The following SETD1A variants were observed in gnomAD, a reference collection of about 807,000 sequenced individuals.
SETD1A encodes SET domain containing 1A, histone lysine methyltransferase.
Under a neutral mutation model 149.9 loss-of-function variants are expected in SETD1A, and 29 were observed. That is an observed-to-expected ratio of 0.19 (90% CI 0.14 to 0.26). The LOEUF (loss-of-function observed/expected upper bound fraction) is 0.26, where lower values mean the gene tolerates loss of function less well. Among genes scored for constraint, SETD1A ranks in the 10% least tolerant of loss-of-function variants. SETD1A has a pLI of 1.00. For missense variants in SETD1A, 2,109 were observed against 2,353.1 expected, an observed-to-expected ratio of 0.90 and a Z score of 2.15; for synonymous variants, 1,141 against 968.5, an observed-to-expected ratio of 1.18 and a Z score of -3.31.
In SETD1A at chr16:30,961,158, C is replaced by T; in HGVS notation, c.247-109C>T. 1 of 1,196,248 alleles carries T rather than the reference C, an allele frequency of 8.4e-7. No individual in the cohort carries two copies. Among genetic ancestry groups the T allele is most frequent in the Admixed American group, 2.1e-5 (1 of 46,822 alleles). The allele number at this position is 1,196,248 out of a possible 1,614,324, so 74.1% of individuals were successfully genotyped here. A position where few individuals can be genotyped will look rare whatever the true frequency, so the allele number is the denominator to read the frequency against. On this transcript the variant is annotated intron_variant, in intron 3 of 18. Transcript: ENST00000262519. This position sits in a 1 kb window ranked among gnomAD's most constrained non-coding sequence, Gnocchi z 4.0. The stretch of plus-strand genomic sequence containing the variant: ...TTTGGGCCCCTTCCCTTGCCCCTCA[C>T]TTTCCCGGATCTCTCTCTTGACTTC...
At chr16:30,981,284 A>G in intron 17 of SETD1A, 104 bp downstream of exon 17, 2 of 1,434,568 alleles carry the variant, frequency 1.4e-6, no homozygotes, top group Non-Finnish European at 9.5e-7. Context: ...ACACTCCCTA[A>G]CCCCGGTACC....
At chr16:30,958,953 C>T in intron 2 of SETD1A, 72 bp downstream of exon 2, 2 of 1,573,486 alleles carry the variant, frequency 1.3e-6, no homozygotes, top group Non-Finnish European at 1.7e-6. Context: ...TGTTCAGCAC[C>T]TAGAACGGTA....
intron 1 of SETD1A, 86 bp downstream of exon 1, chr16:30,958,050 C>T (rs967302319): frequency 1.6e-4 from 24 of 150,556 alleles, no homozygotes; most frequent in Admixed American, 3.3e-4. Context: ...GGGTCTCGCG[C>T]TGCCGCTGCC....
chr16:30,982,775 G>A (rs1176281701), intron 17 of SETD1A, among the ~76,000 whole-genome samples: 1 of 152,118 alleles, frequency 6.6e-6, no homozygotes, highest in African/African-American at 2.4e-5. Flanking sequence ...AGCAGTGGCA[G>A]CAGAGGTGAC....
chr16:30,962,592 TA>T (rs2056069463), intron 4 of SETD1A, among the ~76,000 whole-genome samples: 1 of 152,184 alleles, frequency 6.6e-6, no homozygotes. Context: ...CAGCCATTAG[TA>T]GGCACTGGCC....
In SETD1A at chr16:30,966,121, C is replaced by T. The variant is rs2143504369; in HGVS notation, c.2240C>T (p.Ala747Val). Reference sequence around the variant, plus strand: ...GGCAGAGGGGCATACTCACGGGAGGCCTACCACCTGCCCATGCCAATGGCA... The same window carrying T: ...GGCAGAGGGGCATACTCACGGGAGGTCTACCACCTGCCCATGCCAATGGCA... Reference protein sequence around the residue: ...QEGRGAYSREAYHLPMPMAAE... With the variant: ...QEGRGAYSREVYHLPMPMAAE... Residue 747 changes from alanine (A) to valine (V), a missense_variant, in exon 8 of 19, where the codon GCC becomes GTC. Around this residue, in one of 8 missense-constraint regions of SETD1A, gnomAD observed 431 missense variants for 388.6 expected, o/e 1.11. Coordinates refer to ENST00000262519, the MANE Select transcript of SETD1A (RefSeq NM_014712.3). 6.2e-7 allele frequency: 1 copy of T among 1,601,004 alleles called. No individual in the cohort carries two copies. The highest frequency in any genetic ancestry group is 2.2e-5 in the East Asian group (1 of 44,670).
chr16:30,984,435 CCCTGGGGGGGCTCTGCACCCCCAGT>C lies in SETD1A; in HGVS notation c.*420_*444del. The C allele has an allele frequency of 5.8e-6, 1 of 171,192 alleles. No individual in the cohort carries two copies. The highest frequency in any genetic ancestry group is 1.4e-4 in the South Asian group (1 of 7,220). The allele number at this position is 171,192 out of a possible 1,614,324, so 10.6% of individuals were successfully genotyped here. On this transcript the variant is annotated 3_prime_UTR_variant, in exon 19 of 19. Transcript: ENST00000262519. Reference sequence around the variant, plus strand: ...CTCTGGGGCAGTGGCCATGTTCTCCCCCTGGGGGGGCTCTGCACCCCCAGTCCTGGGGACTCCGTGCCTGGAACCC... The same window carrying C: ...CTCTGGGGCAGTGGCCATGTTCTCCCCCTGGGGACTCCGTGCCTGGAACCC...
intron 13 of SETD1A, among the ~76,000 whole-genome samples, chr16:30,976,130 G>A (rs533677482): frequency 6.6e-6 from 1 of 152,238 alleles, no homozygotes; most frequent in Non-Finnish European, 1.5e-5. Flanking sequence ...CTCCAGTCCA[G>A]GCGCGGTGGC....
Position 30,961,115 on chromosome 16 carries a change from G to T in SETD1A, c.247-152G>T. ...GAAGAATTCAGGGAAAAGGGGTCAG[G>T]TCTGATGGATCCCTTATTTTGGGCC... On this transcript the variant is annotated intron_variant, in intron 3 of 18. Transcript: ENST00000262519. The surrounding 1 kb of genome is among the most constrained non-coding windows in gnomAD (Gnocchi z 4.0). 1 of 739,178 alleles carries T rather than the reference G, an allele frequency of 1.4e-6. No homozygotes were observed. The highest frequency in any genetic ancestry group is 1.7e-5 in the South Asian group (1 of 58,286). The allele number at this position is 739,178 out of a possible 1,614,324, so 45.8% of individuals were successfully genotyped here.
Position 30,979,991 on chromosome 16 carries a change from G to GCCCCACC in SETD1A, c.4208_4209insCACCCCC (p.Pro1404ThrfsTer19). Reference sequence around the variant, plus strand: ...CTCCGCTCCCACGCCCGGCGCCGCCGCCCTCCGCCCCCACCCCCGCCGCCA... The same window carrying GCCCCACC: ...CTCCGCTCCCACGCCCGGCGCCGCCGCCCCACCCCCTCCGCCCCCACCCCCGCCGCCA... On this transcript the variant is annotated frameshift_variant, in exon 14 of 19. Transcript: ENST00000262519. LOFTEE classifies it high-confidence loss of function. 3 of 1,279,666 alleles carry GCCCCACC rather than the reference G, an allele frequency of 2.3e-6. No individual in the cohort carries two copies. The highest frequency in any genetic ancestry group is 3.1e-6 in the Non-Finnish European group (3 of 969,376). 79.3% of individuals were successfully genotyped at this position (1,279,666 alleles called of 1,614,324 possible).
chr16:30,976,057 C>A (rs1596687504), intron 13 of SETD1A, among the ~76,000 whole-genome samples: 3 of 90,370 alleles, frequency 3.3e-5, no homozygotes, highest in Admixed American at 3.3e-4. Context: ...TCTTTTGACC[C>A]TGTTGCTGTA....
chr16:30,968,434 A>G (rs892006097), intron 10 of SETD1A, among the ~76,000 whole-genome samples: 3 of 129,394 alleles, frequency 2.3e-5, no homozygotes, highest in African/African-American at 8.7e-5. Flanking sequence ...ATATATATAT[A>G]TGTACACACA....
rs752282636 is a variant in SETD1A at position 30,961,473 on chromosome 16, G to A, written c.453G>A (p.Thr151=). 1.7e-5 allele frequency: 28 copies of A among 1,613,948 alleles called. No homozygotes were observed. Among genetic ancestry groups the A allele is most frequent in the Middle Eastern group, 1.6e-4 (1 of 6,080 alleles). The change falls in exon 4 of 19, where the codon ACG becomes ACA. Residue 151 remains threonine, a synonymous_variant. Coordinates refer to ENST00000262519, the MANE Select transcript of SETD1A (RefSeq NM_014712.3). The surrounding 1 kb of genome is among the most constrained non-coding windows in gnomAD (Gnocchi z 4.0). ...LFTSTRGAKE[T]VKNLHLTSVM... is the part of the protein sequence containing the mutation. ...CCAGCACTCGGGGCGCCAAGGAAAC[G>A]GTCAAAAACCTCCACCTTACCTCCG...
chr16:30,979,027 C>T, intron 13 of SETD1A, 118 bp from the exon 14 acceptor site: 1 of 1,034,186 alleles, frequency 9.7e-7, no homozygotes, highest in Non-Finnish European at 1.4e-6. Flanking sequence ...GTCTGTGTTC[C>T]CTCCGGGGTT....
Position 30,965,845 on chromosome 16 carries a change from A to G in SETD1A, c.1964A>G (p.His655Arg), listed in dbSNP as rs766791073. ...EYPPPPPPPP[H>R]IYDFVNSLEL... ...CCCCCACCTCCTCCACCACCCCCGC[A>G]CATCTATGACTTTGTGAACTCCTTG... The change falls in exon 8 of 19, where the codon CAC becomes CGC. Residue 655 changes from histidine to arginine, a missense_variant. His to Arg is a conservative substitution (Grantham distance 29). Coordinates refer to ENST00000262519, the MANE Select transcript of SETD1A (RefSeq NM_014712.3). The G allele has an allele frequency of 7.7e-7, 1 of 1,291,150 alleles. No individual in the cohort carries two copies. The highest frequency in any genetic ancestry group is 1.2e-5 in the South Asian group (1 of 84,660). 80.0% of individuals were successfully genotyped at this position (1,291,150 alleles called of 1,614,324 possible).
chr16:30,984,403 T>C lies in SETD1A; in HGVS notation c.*380T>C, dbSNP rs998584754. The C allele has an allele frequency of 3.2e-5, 6 of 188,490 alleles. No individual in the cohort carries two copies. The highest frequency in any genetic ancestry group is 6.7e-5 in the Non-Finnish European group (6 of 89,742). The allele number at this position is 188,490 out of a possible 1,614,324, so 11.7% of individuals were successfully genotyped here. A position where few individuals can be genotyped will look rare whatever the true frequency, so the allele number is the denominator to read the frequency against. ...GCCCTGCGTGTACCCCTCCCCAGTT[T>C]AGGGGTCTCTGGGGCAGTGGCCATG... On this transcript the variant is annotated 3_prime_UTR_variant, in exon 19 of 19. Coordinates refer to ENST00000262519, the MANE Select transcript of SETD1A (RefSeq NM_014712.3).
In SETD1A at chr16:30,965,898, T is replaced by C. The variant is rs1567353572; in HGVS notation, c.2017T>C (p.Trp673Arg). ...GCTCATGGACCGACTTGGGGCTCAG[T>C]GGGGAGGGATGCCCATGTCCTTCCA... ...LELMDRLGAQ[W>R]GGMPMSFQMQ... The change falls in exon 8 of 19, where the codon TGG becomes CGG. Residue 673 changes from tryptophan (W) to arginine (R), a missense_variant. Trp to Arg is a moderately radical substitution (Grantham distance 101, BLOSUM62 -3). Coordinates refer to ENST00000262519, the MANE Select transcript of SETD1A (RefSeq NM_014712.3). The C allele has an allele frequency of 6.2e-7, 1 of 1,611,550 alleles. No homozygotes were observed.
chr16:30,963,991 C>CAA (rs370118124), intron 5 of SETD1A, 103 bp from the exon 6 acceptor site: 793 of 798,688 alleles, frequency 9.9e-4, no homozygotes, highest in Non-Finnish European at 1.3e-3. Context: ...GACTCCGTCT[C>CAA]AAAAAAAAAA....
chr16:30,969,633 A>G lies in SETD1A; in HGVS notation c.2960A>G (p.Asp987Gly), dbSNP rs1489806304. The change falls in exon 12 of 19, where the codon GAT (aspartate) becomes GGT (glycine). Residue 987 changes from aspartate (D) to glycine (G), a missense_variant. Physicochemically the swap from Asp to Gly is moderately conservative, Grantham distance 94. Around this residue, in one of 8 missense-constraint regions of SETD1A, gnomAD observed 832 missense variants for 815.6 expected, o/e 1.02. Coordinates refer to ENST00000262519, the MANE Select transcript of SETD1A (RefSeq NM_014712.3). ...DEEDDEEDEE[D>G]EDREEAVDTT... ...GAGGATGACGAGGAAGATGAGGAAG[A>G]TGAAGATCGAGAGGAAGCTGTGGAT... The G allele has an allele frequency of 1.2e-6, 2 of 1,614,202 alleles. No individual in the cohort carries two copies. Among genetic ancestry groups the G allele is most frequent in the Non-Finnish European group, 1.7e-6 (2 of 1,180,020 alleles).
Sources: allele counts gnomAD v4.1 joint callset (sites outside exome capture counted in the v4.1 genomes callset), GRCh38; gene constraint gnomAD v4.1.1; regional missense constraint gnomAD v4.1.1; non-coding constraint Gnocchi (gnomAD v3.1); transcripts MANE v1.5; gene names NCBI Gene and HGNC (gene_info 2026-07-23, HGNC 2026-07-21).